Variants in ITGA1 observed in about 807,000 individuals in gnomAD.
ITGA1 encodes integrin alpha-1.
Under a neutral mutation model 145.9 loss-of-function variants are expected in ITGA1, and 85 were observed. The observed-to-expected ratio is 0.58, with a 90% CI of 0.49 to 0.70. ITGA1 has a LOEUF of 0.70. ITGA1 is among the 30% of genes least tolerant of loss of function. ITGA1 has a pLI of 0.00. For missense variants in ITGA1, 1,351 were observed against 1,418.7 expected (o/e 0.95, Z 0.77); for synonymous variants, 520 against 495.3 (o/e 1.05, Z -0.66).
intron 19 of ITGA1, among the ~76,000 whole-genome samples, chr5:52,926,699 T>C (rs1248863226): frequency 2.0e-5 from 3 of 152,030 alleles, no homozygotes; most frequent in African/African-American, 7.2e-5. Flanking sequence ...TAGTAAAAAT[T>C]ATTGCCTGTA....
Position 52,887,966 on chromosome 5 carries a change from G to GTT in ITGA1, c.924+2_924+3insTT. ...AAACATTCAACGGTTTTCCATAGCT[G>GTT]TAAGTGTGTTGCCGGAGATATTTTC... On this transcript the variant is annotated splice_donor_variant, in intron 8 of 28. Coordinates refer to ENST00000282588, the MANE Select transcript of ITGA1 (RefSeq NM_181501.2). LOFTEE classifies it high-confidence loss of function. 6.2e-7 allele frequency: 1 copy of GTT among 1,611,318 alleles called. No individual in the cohort carries two copies. The highest frequency in any genetic ancestry group is 2.2e-5 in the East Asian group (1 of 44,828).
chr5:52,894,527 A>C (rs1385936089), intron 9 of ITGA1, among the ~76,000 whole-genome samples: 4 of 152,296 alleles, frequency 2.6e-5, no homozygotes, highest in African/African-American at 9.6e-5. Context: ...AAACAAAAAA[A>C]AAAAGTCTTC....
chr5:52,805,084 CAG>C (rs1748563932), intron 1 of ITGA1, among the ~76,000 whole-genome samples: 1 of 151,938 alleles, frequency 6.6e-6, no homozygotes, highest in Non-Finnish European at 1.5e-5. Context: ...TAAAAGGACA[CAG>C]TGGTGAAAGG....
intron 14 of ITGA1, among the ~76,000 whole-genome samples, chr5:52,910,871 G>C (rs1339374504): frequency 1.4e-5 from 2 of 139,220 alleles, no homozygotes; most frequent in Admixed American, 7.4e-5. Flanking sequence ...ACTATATATA[G>C]TATATATGGT....
chr5:52,884,420 C>T (rs1159435584), intron 7 of ITGA1, among the ~76,000 whole-genome samples: 4 of 148,634 alleles, frequency 2.7e-5, no homozygotes, highest in African/African-American at 7.5e-5. Context: ...GCACTTCAGC[C>T]TGGGCAACAA....
At chr5:52,825,497 A>T (rs1408202029) in intron 1 of ITGA1, among the ~76,000 whole-genome samples, 1 of 152,176 alleles carries the variant, frequency 6.6e-6, no homozygotes, top group Non-Finnish European at 1.5e-5. Context: ...GGTGCCAGGA[A>T]CTGTGCCTAT....
intron 1 of ITGA1, among the ~76,000 whole-genome samples, chr5:52,790,495 G>A (rs1474394859): frequency 6.6e-6 from 1 of 152,218 alleles, no homozygotes; most frequent in African/African-American, 2.4e-5. Context: ...TCTTCTGGAG[G>A]TTCTAGGGGA....
chr5:52,911,444 G>T (rs1215214245), intron 14 of ITGA1, among the ~76,000 whole-genome samples: 11 of 127,846 alleles, frequency 8.6e-5, no homozygotes, highest in Non-Finnish European at 9.6e-5. Context: ...ATATAGTATA[G>T]ATACACTATA....
At chr5:52,865,316 G>C (rs1429757513) in intron 5 of ITGA1, among the ~76,000 whole-genome samples, 1 of 152,180 alleles carries the variant, frequency 6.6e-6, no homozygotes, top group Non-Finnish European at 1.5e-5. Context: ...AGATAAAGCT[G>C]TCATGCTGCT....
intron 6 of ITGA1, among the ~76,000 whole-genome samples, chr5:52,870,972 A>T (rs147199908): frequency 1.4e-3 from 220 of 152,312 alleles, no homozygotes; most frequent in African/African-American, 4.4e-3. Context: ...ATGCAGTAAT[A>T]ATTTCTCTAT....
At chr5:52,879,894 C>G (rs1298622386) in intron 6 of ITGA1, among the ~76,000 whole-genome samples, 1 of 152,140 alleles carries the variant, frequency 6.6e-6, no homozygotes, top group African/African-American at 2.4e-5. Context: ...CATATATTCT[C>G]TAGTTATTTC....
At chr5:52,899,520 G>C (rs1222849477) in intron 11 of ITGA1, among the ~76,000 whole-genome samples, 1 of 152,092 alleles carries the variant, frequency 6.6e-6, no homozygotes, top group African/African-American at 2.4e-5. Context: ...TAGAAATCCT[G>C]TTACATTCCA....
At chr5:52,820,459 A>G (rs1748859175) in intron 1 of ITGA1, among the ~76,000 whole-genome samples, 1 of 151,110 alleles carries the variant, frequency 6.6e-6, no homozygotes, top group African/African-American at 2.4e-5. Flanking sequence ...CCAACATGGC[A>G]CATGTATACA....
In ITGA1 at chr5:52,850,257, C is replaced by A. The variant is rs565820930; in HGVS notation, c.182+772C>A. ...CCTCGTGATCCACCCACCTCAGCCT[C>A]CGAAAGTGCTGGGATTACAGGCGTG... On this transcript the variant is annotated intron_variant, in intron 2 of 28. Transcript: ENST00000282588. Among the ~76,000 whole-genome samples the A allele has an allele frequency of 8.8e-4, 134 of 152,156 alleles. 1 individual carries two copies. Among genetic ancestry groups the A allele is most frequent in the Admixed American group, 6.5e-3 (100 of 15,270 alleles).
intron 2 of ITGA1, among the ~76,000 whole-genome samples, chr5:52,850,472 C>T (rs1416811939): frequency 2.6e-5 from 4 of 152,174 alleles, no homozygotes; most frequent in African/African-American, 7.2e-5. Context: ...TTAAACTAAA[C>T]AAGCCTACAT....
intron 6 of ITGA1, among the ~76,000 whole-genome samples, chr5:52,867,414 C>T (rs1749705040): frequency 6.6e-6 from 1 of 152,108 alleles, no homozygotes; most frequent in Non-Finnish European, 1.5e-5. Flanking sequence ...TTTTACGTAT[C>T]ACAAAATGTA....
intron 6 of ITGA1, among the ~76,000 whole-genome samples, chr5:52,873,059 C>A (rs530948518): frequency 6.6e-6 from 1 of 152,286 alleles, no homozygotes; most frequent in African/African-American, 2.4e-5. Flanking sequence ...TGTTTCCTAG[C>A]ACATGACATG....
intron 1 of ITGA1, among the ~76,000 whole-genome samples, chr5:52,832,094 T>C (rs529463272): frequency 5.3e-5 from 8 of 152,234 alleles, no homozygotes; most frequent in Admixed American, 2.6e-4. Flanking sequence ...ACTTTAGAAC[T>C]CTCTCCTTCC....
chr5:52,789,259 G>A (rs1748192594), intron 1 of ITGA1, among the ~76,000 whole-genome samples: 2 of 151,920 alleles, frequency 1.3e-5, no homozygotes, highest in African/African-American at 2.4e-5. Flanking sequence ...GGAAGAAGGT[G>A]GGGGGAAAGT....
Sources: gnomAD v4.1 joint callset for allele counts (sites outside exome capture counted in the v4.1 genomes callset) on GRCh38, gnomAD v4.1.1 for gene constraint, MANE v1.5 for transcripts, NCBI Gene and HGNC (gene_info 2026-07-23, HGNC 2026-07-21) for gene names.